The following KIAA1549 variants were observed in gnomAD, a reference collection of about 807,000 sequenced individuals.
The protein encoded by KIAA1549 is KIAA1549, also known as UPF0606 protein KIAA1549.
A neutral mutation model predicts 156.4 loss-of-function variants in KIAA1549; 70 were observed. The ratio of observed to expected loss-of-function variants is 0.45; its 90% CI spans 0.37 to 0.55. The LOEUF is 0.55. Ranked by LOEUF, KIAA1549 falls within the 20% of genes least tolerant of loss-of-function variation. The probability of loss-of-function intolerance (pLI) is 0.00; values close to 1 mark genes in which losing one functional copy is unlikely to be tolerated. For synonymous variants in KIAA1549, 1,103 were observed against 1,066.4 expected (o/e 1.03, Z -0.67); for missense variants, 2,428 against 2,540.9 (o/e 0.96, Z 0.96).
rs765115844 is a variant in KIAA1549 at position 138,881,518 on chromosome 7, C to T, written c.4099G>A (p.Asp1367Asn). The T allele has an allele frequency of 3.0e-5, 48 of 1,613,860 alleles. No homozygotes were observed. The highest frequency in any genetic ancestry group is 4.5e-5 in the East Asian group (2 of 44,892). The change falls in exon 11 of 20, where the codon GAC becomes AAC. Residue 1367 changes from aspartate to asparagine, a missense_variant. This residue lies in a region of KIAA1549 where 762 missense variants were observed against 901.6 expected (regional missense o/e 0.85). Transcript: ENST00000422774. ...GCTGGCTCATGAATAATCAATATGT[C>T]GTCTTTATTGTGCTGACCCAGATGC... Reference protein sequence around the residue: ...KQHLGQHNKDDILIIHEPAPL... With the variant: ...KQHLGQHNKDNILIIHEPAPL...
chr7:138,948,931 G>C (rs2774968), intron 1 of KIAA1549, among the ~76,000 whole-genome samples: 76,542 of 151,670 alleles, frequency 0.5, 23,436 homozygotes, highest in African/African-American at 0.88. Context: ...TCTCAAACTC[G>C]CAACCTCAGG....
At chr7:138,884,804 G>A (rs936979125) in intron 10 of KIAA1549, among the ~76,000 whole-genome samples, 3 of 152,238 alleles carry the variant, frequency 2.0e-5, no homozygotes, top group Admixed American at 2.0e-4. Flanking sequence ...ACACACCTAT[G>A]ACTTGTAAGC....
chr7:138,870,246 C>T (rs1189735172), intron 13 of KIAA1549, among the ~76,000 whole-genome samples: 5 of 151,936 alleles, frequency 3.3e-5, no homozygotes, highest in African/African-American at 7.3e-5. Context: ...ACCGAGAGAG[C>T]GACAGGCACA....
At chr7:138,895,387 T>C (rs1811656639) in intron 9 of KIAA1549, among the ~76,000 whole-genome samples, 1 of 152,160 alleles carries the variant, frequency 6.6e-6, no homozygotes, top group Non-Finnish European at 1.5e-5. Flanking sequence ...CAAATGCCCA[T>C]CCACAGATGA....
chr7:138,835,682 G>A lies in KIAA1549; in HGVS notation c.*2224C>T, dbSNP rs1165715987. 1 of 217,806 alleles carries A rather than the reference G, an allele frequency of 4.6e-6. No individual in the cohort carries two copies. Among genetic ancestry groups the A allele is most frequent in the Non-Finnish European group, 9.2e-6 (1 of 108,516 alleles). The allele number at this position is 217,806 out of a possible 1,614,324, so 13.5% of individuals were successfully genotyped here. A position where few individuals can be genotyped will look rare whatever the true frequency, so the allele number is the denominator to read the frequency against. On this transcript the variant is annotated 3_prime_UTR_variant, in exon 20 of 20. Coordinates refer to ENST00000422774, the MANE Select transcript of KIAA1549 (RefSeq NM_001164665.2). ...TCTGAAATTCTTAATAACATATTCA[G>A]GAAACCTGGTATTTTTGAGTGACAT...
In KIAA1549 at chr7:138,918,274, A is replaced by T; in HGVS notation, c.1352T>A (p.Leu451Gln). The change falls in exon 2 of 20, where the codon CTG becomes CAG. Residue 451 changes from leucine (L) to glutamine (Q), a missense_variant. By Grantham distance (113) the Leu-to-Gln change is moderately radical. Coordinates refer to ENST00000422774, the MANE Select transcript of KIAA1549 (RefSeq NM_001164665.2). This position sits in a 1 kb window ranked among gnomAD's most constrained non-coding sequence, Gnocchi z 4.2. Reference sequence around the variant, plus strand: ...GCTTTCTTCCAGCACGGTCATGCACAGAGTCTCGGCACCATCCCCTGATCC... The same window carrying T: ...GCTTTCTTCCAGCACGGTCATGCACTGAGTCTCGGCACCATCCCCTGATCC... ...DVGSGDGAET[L>Q]CMTVLEESSI... The T allele has an allele frequency of 6.2e-7, 1 of 1,613,998 alleles. No individual in the cohort carries two copies. The highest frequency in any genetic ancestry group is 8.5e-7 in the Non-Finnish European group (1 of 1,179,892).
chr7:138,899,464 T>C (rs1811781094), intron 8 of KIAA1549, among the ~76,000 whole-genome samples: 1 of 152,192 alleles, frequency 6.6e-6, no homozygotes, highest in Admixed American at 6.5e-5. Flanking sequence ...GACCACGTCA[T>C]AAGAGAGCAT....
intron 1 of KIAA1549, among the ~76,000 whole-genome samples, chr7:138,931,752 CAAAA>C (rs71169066): frequency 2.0e-5 from 2 of 101,382 alleles, no homozygotes. Context: ...AGTCCCATCT[CAAAA>C]AAAAAAAAAA....
rs1485410294 is a variant in KIAA1549, at chr7:138,928,585, C to A, written c.188-9147G>T. 8.5e-5 allele frequency among the ~76,000 whole-genome samples: 13 copies of A among 152,234 alleles called. No individual in the cohort carries two copies. The East Asian group carries it at 2.5e-3, about 29-fold the overall frequency. On this transcript the variant is annotated intron_variant, in intron 1 of 19. Coordinates refer to ENST00000422774, the MANE Select transcript of KIAA1549 (RefSeq NM_001164665.2). ...TGTAGGCATGAGCCACCATGCCCAG[C>A]CTAAAGGCATTCTTGATGTATAAAT...
intron 1 of KIAA1549, among the ~76,000 whole-genome samples, chr7:138,936,170 G>A (rs1407249003): frequency 1.3e-5 from 2 of 152,168 alleles, no homozygotes; most frequent in African/African-American, 4.8e-5. Context: ...CAGAGAGACT[G>A]CACTAAGGTA....
At chr7:138,937,835 T>C (rs192802888) in intron 1 of KIAA1549, among the ~76,000 whole-genome samples, 140 of 152,026 alleles carry the variant, frequency 9.2e-4, no homozygotes, top group African/African-American at 3.1e-3. Flanking sequence ...ATGATAGAGA[T>C]TGGTGATAAT....
At chr7:138,884,648 G>T (rs972839522) in intron 10 of KIAA1549, among the ~76,000 whole-genome samples, 2 of 152,278 alleles carry the variant, frequency 1.3e-5, no homozygotes, top group East Asian at 3.9e-4. Flanking sequence ...GGTATAATGT[G>T]GCTTACTTTC....
rs117006285 is a variant in KIAA1549 at position 138,852,217 on chromosome 7, C to A, written c.5294+6G>T. 3 of 1,606,470 alleles carry A rather than the reference C, an allele frequency of 1.9e-6. No individual in the cohort carries two copies. Among genetic ancestry groups the A allele is most frequent in the Non-Finnish European group, 2.6e-6 (3 of 1,174,566 alleles). On this transcript the variant is annotated splice_donor_region_variant and intron_variant, in intron 17 of 19. Transcript: ENST00000422774. ...GTGATAATACATTTTGTTTTGAAAA[C>A]CTTACCTTGGCAATGGACCCGTCGG...
chr7:138,855,363 G>C (rs753412327), intron 16 of KIAA1549, among the ~76,000 whole-genome samples: 2 of 152,206 alleles, frequency 1.3e-5, no homozygotes, highest in Non-Finnish European at 2.9e-5. Flanking sequence ...CCTATCAGCT[G>C]CCATGCTGTG....
chr7:138,834,983 A>AG lies in KIAA1549; in HGVS notation c.*2922_*2923insC, dbSNP rs951963726. 2 of 229,274 alleles carry AG rather than the reference A, an allele frequency of 8.7e-6. No homozygotes were observed. Among genetic ancestry groups the AG allele is most frequent in the Non-Finnish European group, 1.7e-5 (2 of 115,704 alleles). The allele number at this position is 229,274 out of a possible 1,614,324, so 14.2% of individuals were successfully genotyped here. On this transcript the variant is annotated 3_prime_UTR_variant, in exon 20 of 20. Coordinates refer to ENST00000422774, the MANE Select transcript of KIAA1549 (RefSeq NM_001164665.2). ...ACAAAGTAGTCTCTGAAAAAAAAAA[A>AG]AACAACATTTCTCCAAACATTCTGA... is the stretch of plus-strand genomic sequence containing the variant.
rs748075203 is a variant in KIAA1549, at chr7:138,917,033, C to T, written c.2593G>A (p.Val865Ile). Residue 865 changes from valine to isoleucine, a missense_variant, in exon 2 of 20, where the codon GTC (valine) becomes ATC (isoleucine). By Grantham distance (29) the Val-to-Ile change is conservative (BLOSUM62 3). Coordinates refer to ENST00000422774, the MANE Select transcript of KIAA1549 (RefSeq NM_001164665.2). ...GTGGGTGTGAGTGATGGGCCCACGA[C>T]GGTCAGCTCTGTGGGCAGAGGGAAG... ...TPFPLPTELT[V>I]VGPSLTPTEV... The T allele has an allele frequency of 1.5e-5, 24 of 1,606,176 alleles. No individual in the cohort carries two copies. Among genetic ancestry groups the T allele is most frequent in the African/African-American group, 2.7e-5 (2 of 74,784 alleles).
intron 1 of KIAA1549, among the ~76,000 whole-genome samples, chr7:138,942,843 G>A (rs1813223483): frequency 6.6e-6 from 1 of 152,032 alleles, no homozygotes; most frequent in Non-Finnish European, 1.5e-5. Flanking sequence ...CCAGGAGGTG[G>A]AGGTTGCAGT....
At chr7:138,903,421 T>C (rs1369400336) in intron 8 of KIAA1549, among the ~76,000 whole-genome samples, 167 bp downstream of exon 8, 1 of 152,228 alleles carries the variant, frequency 6.6e-6, no homozygotes, top group East Asian at 1.9e-4. Context: ...ACTGAAAAGC[T>C]GCCAGATTCA....
At chr7:138,947,954 G>A (rs886889522) in intron 1 of KIAA1549, among the ~76,000 whole-genome samples, 1 of 151,984 alleles carries the variant, frequency 6.6e-6, no homozygotes, top group African/African-American at 2.4e-5. Flanking sequence ...GTAGAGACAG[G>A]GTTTCGCCAC....
Sources: gnomAD v4.1 joint callset for allele counts (sites outside exome capture counted in the v4.1 genomes callset) on GRCh38, gnomAD v4.1.1 for gene constraint, gnomAD v4.1.1 regional missense constraint, Gnocchi (gnomAD v3.1) non-coding constraint, MANE v1.5 for transcripts, NCBI Gene and HGNC (gene_info 2026-07-23, HGNC 2026-07-21) for gene names.